Variants in SNCAIP observed in about 807,000 individuals in gnomAD.
SNCAIP encodes the protein synuclein alpha interacting protein.
SNCAIP carries 43 observed loss-of-function variants against 86.7 expected under a neutral mutation model. The ratio of observed to expected loss-of-function variants is 0.50; its 90% confidence interval spans 0.39 to 0.64. The LOEUF is 0.64. Among genes scored for constraint, SNCAIP ranks in the 30% least tolerant of loss-of-function variants. The pLI is 0.00. For synonymous variants in SNCAIP, 417 were observed against 427.2 expected (o/e 0.98, Z 0.29); for missense variants, 981 against 1,103.1 (o/e 0.89, Z 1.57).
chr5:122,416,860 T>C (rs1431960159), intron 3 of SNCAIP, among the ~76,000 whole-genome samples: 9 of 152,214 alleles, frequency 5.9e-5, no homozygotes, highest in African/African-American at 2.2e-4. Context: ...CAAAAGTATG[T>C]CCTTGAAGGC....
At chr5:122,373,210 TC>T (rs1365549271) in intron 1 of SNCAIP, among the ~76,000 whole-genome samples, 1 of 152,170 alleles carries the variant, frequency 6.6e-6, no homozygotes, top group Non-Finnish European at 1.5e-5. Flanking sequence ...TAAATACATT[TC>T]TGAGAACTTT....
intron 1 of SNCAIP, among the ~76,000 whole-genome samples, chr5:122,380,191 A>G (rs1178459344): frequency 7.2e-5 from 11 of 152,046 alleles, no homozygotes; most frequent in African/African-American, 1.4e-4. Context: ...TGGTTGGTAA[A>G]CTATTGATTA....
Position 122,381,922 on chromosome 5 carries a change from G to C in SNCAIP, c.-46-9167G>C, listed in dbSNP as rs541130515. On this transcript the variant is annotated intron_variant, in intron 1 of 10. Coordinates refer to ENST00000261368, the MANE Select transcript of SNCAIP (RefSeq NM_005460.4). Reference sequence around the variant, plus strand: ...CTGCAGAAAGATCTGCTGTTAGTCTGATGGGTTTCCCTTTGTAGGTAAACT... The same window carrying C: ...CTGCAGAAAGATCTGCTGTTAGTCTCATGGGTTTCCCTTTGTAGGTAAACT... Among the ~76,000 whole-genome samples, 314 of 152,248 alleles carry C rather than the reference G, an allele frequency of 2.1e-3. 1 individual carries two copies. Among genetic ancestry groups the C allele is most frequent in the African/African-American group, 7.0e-3 (291 of 41,540 alleles).
rs371757784 is a variant in SNCAIP at position 122,458,730 on chromosome 5, A to G, written c.2755-4761A>G. 1.9e-4 allele frequency among the ~76,000 whole-genome samples: 29 copies of G among 152,246 alleles called. No homozygotes were observed. In the East Asian group the frequency reaches 1.9e-3, roughly 10 times the overall value. ...AAATATTTTCAGCTCTAAGCCACAC[A>G]TTTTGCTCTGCCAGGATAAGGCCTG... On this transcript the variant is annotated intron_variant, in intron 10 of 10. Coordinates refer to ENST00000261368, the MANE Select transcript of SNCAIP (RefSeq NM_005460.4).
rs144429392 is a variant in SNCAIP at position 122,334,689 on chromosome 5, G to T, written c.-47+22405G>T. Among the ~76,000 whole-genome samples the T allele has an allele frequency of 2.5e-3, 375 of 152,274 alleles. 2 individuals are homozygous for T. Among genetic ancestry groups the T allele is most frequent in the Middle Eastern group, 0.01 (3 of 294 alleles). ...TGGGAACTGTGGATTTATATTAGGA[G>T]AAATTTTTTTTTAAAGACCATTCTA... On this transcript the variant is annotated intron_variant, in intron 1 of 10. Transcript: ENST00000261368.
intron 6 of SNCAIP, among the ~76,000 whole-genome samples, chr5:122,437,505 T>G (rs1779769755): frequency 6.6e-6 from 1 of 152,198 alleles, no homozygotes; most frequent in Admixed American, 6.5e-5. Context: ...TTGGTTTACA[T>G]GTCATATCTC....
chr5:122,390,870 T>C (rs1769192316), intron 1 of SNCAIP, among the ~76,000 whole-genome samples: 1 of 152,188 alleles, frequency 6.6e-6, no homozygotes, highest in Non-Finnish European at 1.5e-5. Flanking sequence ...CAAAGGACTT[T>C]GAGTGCCCAC....
intron 2 of SNCAIP, 47 bp downstream of exon 2, chr5:122,391,238 CA>C: frequency 7.7e-7 from 1 of 1,302,788 alleles, no homozygotes; most frequent in Non-Finnish European, 1.1e-6. Flanking sequence ...AATCTGCCTT[CA>C]ACTTCATAGC....
intron 1 of SNCAIP, among the ~76,000 whole-genome samples, chr5:122,354,814 T>C (rs1760676193): frequency 6.6e-6 from 1 of 152,188 alleles, no homozygotes; most frequent in African/African-American, 2.4e-5. Context: ...TAAAGCATAG[T>C]ACAAATTCAG....
chr5:122,396,776 G>C lies in SNCAIP; in HGVS notation c.57+5585G>C, dbSNP rs75161113. Among the ~76,000 whole-genome samples, 114 of 152,238 alleles carry C rather than the reference G, an allele frequency of 7.5e-4. 1 individual carries two copies. The East Asian group carries it at 0.019, about 26-fold the overall frequency. On this transcript the variant is annotated intron_variant, in intron 2 of 10. Transcript: ENST00000261368. ...ACTCCATTCTTGGCAGTGAGTCCTTGTATTTTGACAGTGATTGATTATTGG... is the reference window on the plus strand; with the variant it reads ...ACTCCATTCTTGGCAGTGAGTCCTTCTATTTTGACAGTGATTGATTATTGG...
chr5:122,450,760 T>C lies in SNCAIP; in HGVS notation c.1913T>C (p.Leu638Pro), dbSNP rs1174422572. ...ISENVCTQEK[L>P]SLEFQDAQAS... ...GAAAATGTCTGCACCCAGGAAAAAC[T>C]GTCCTTGGAATTCCAGGATGCTCAG... Residue 638 changes from leucine to proline, a missense_variant, in exon 10 of 11, where the codon CTG becomes CCG. Physicochemically the swap from Leu to Pro is moderately conservative, Grantham distance 98. Coordinates refer to ENST00000261368, the MANE Select transcript of SNCAIP (RefSeq NM_005460.4). 1.9e-6 allele frequency: 3 copies of C among 1,614,078 alleles called. No individual in the cohort carries two copies. The highest frequency in any genetic ancestry group is 2.5e-6 in the Non-Finnish European group (3 of 1,179,916).
intron 1 of SNCAIP, among the ~76,000 whole-genome samples, chr5:122,359,428 A>T (rs1761785309): frequency 6.6e-6 from 1 of 151,196 alleles, no homozygotes; most frequent in African/African-American, 2.4e-5. Flanking sequence ...CAGTGGTGCG[A>T]TACCAGCTCA....
chr5:122,444,872 C>T, intron 8 of SNCAIP, 140 bp downstream of exon 8: 1 of 783,256 alleles, frequency 1.3e-6, no homozygotes, highest in Non-Finnish European at 2.2e-6. Context: ...GTTCTTCCAT[C>T]CAAAGTCCTC....
intron 6 of SNCAIP, among the ~76,000 whole-genome samples, chr5:122,432,822 C>T (rs951833700): frequency 1.3e-5 from 2 of 152,016 alleles, no homozygotes; most frequent in African/African-American, 4.8e-5. Context: ...TTTTAAAAAA[C>T]TGGAACCACA....
chr5:122,400,351 G>C (rs746049953), intron 2 of SNCAIP, among the ~76,000 whole-genome samples: 11 of 152,194 alleles, frequency 7.2e-5, no homozygotes, highest in Non-Finnish European at 1.5e-4. Context: ...CTGGAGGAAG[G>C]TCCCACTTAC....
chr5:122,443,474 G>A (rs923521421), intron 7 of SNCAIP: 9 of 334,256 alleles, frequency 2.7e-5, no homozygotes, highest in East Asian at 7.7e-5. Context: ...GCCAGATTCC[G>A]TAACTTTCTC....
chr5:122,336,244 T>G (rs144392655), intron 1 of SNCAIP, among the ~76,000 whole-genome samples: 1 of 152,222 alleles, frequency 6.6e-6, no homozygotes, highest in Non-Finnish European at 1.5e-5. Context: ...TTCAGTCTTA[T>G]GTACTGTATT....
chr5:122,313,299 G>A (rs1417993331), intron 1 of SNCAIP, among the ~76,000 whole-genome samples: 1 of 152,168 alleles, frequency 6.6e-6, no homozygotes, highest in African/African-American at 2.4e-5. Context: ...CAAAGAGCCC[G>A]GAGGACGGGA....
chr5:122,342,332 G>C (rs553609794), intron 1 of SNCAIP, among the ~76,000 whole-genome samples: 1 of 152,142 alleles, frequency 6.6e-6, no homozygotes, highest in African/African-American at 2.4e-5. Context: ...TGGAGTCACT[G>C]CTCCCAGGGC....
Sources: gnomAD v4.1 joint callset for allele counts (sites outside exome capture counted in the v4.1 genomes callset) on GRCh38, gnomAD v4.1.1 for gene constraint, MANE v1.5 for transcripts, NCBI Gene and HGNC (gene_info 2026-07-23, HGNC 2026-07-21) for gene names.